Variants in FBXW10 observed in about 807,000 individuals in gnomAD.
The protein encoded by FBXW10 is F-box/WD repeat-containing protein 10.
Under a neutral mutation model 113.1 loss-of-function variants are expected in FBXW10, and 68 were observed. The observed-to-expected ratio is 0.60, with a 90% CI of 0.49 to 0.74. FBXW10 has a LOEUF of 0.74. Ranked by LOEUF, FBXW10 falls within the 30% of genes least tolerant of loss-of-function variation. FBXW10 has a pLI of 0.00. For synonymous variants in FBXW10, 289 were observed against 481.6 expected (o/e 0.60, Z 5.24); for missense variants, 753 against 1,284.5 (o/e 0.59, Z 6.32).
intron 5 of FBXW10, among the ~76,000 whole-genome samples, chr17:18,753,553 T>C (rs948462029): frequency 4.6e-5 from 7 of 152,114 alleles, no homozygotes; most frequent in African/African-American, 1.2e-4. Context: ...CTTTCTCTCC[T>C]CTTTCTTTAA....
intron 6 of FBXW10, among the ~76,000 whole-genome samples, chr17:18,757,279 G>A (rs2035285212): frequency 6.6e-6 from 1 of 152,100 alleles, no homozygotes; most frequent in African/African-American, 2.4e-5. Context: ...CACCTCCTGG[G>A]CTCAAGCGAT....
intron 5 of FBXW10, among the ~76,000 whole-genome samples, chr17:18,752,944 A>T (rs868736761): frequency 8.5e-5 from 13 of 152,148 alleles, no homozygotes; most frequent in African/African-American, 2.4e-5. Context: ...TCCTTGGGTG[A>T]TACAGTCAGT....
intron 11 of FBXW10, among the ~76,000 whole-genome samples, chr17:18,770,882 A>G (rs1287822180): frequency 1.3e-5 from 2 of 152,174 alleles, no homozygotes; most frequent in African/African-American, 4.8e-5. Flanking sequence ...CATTGTATAC[A>G]GTACTGTGCT....
At position 18,766,783 on chromosome 17, in the gene FBXW10, T is replaced by A; in HGVS notation, c.1625T>A (p.Ile542Asn). The change falls in exon 9 of 14, where the codon ATC (isoleucine) becomes AAC (asparagine). Residue 542 changes from isoleucine (I) to asparagine (N), a missense_variant. Physicochemically the swap from Ile to Asn is moderately radical, Grantham distance 149. Coordinates refer to ENST00000395665, the MANE Select transcript of FBXW10 (RefSeq NM_001267585.2). ...AAAGACCCCATCTTGGCCACCAGGA[T>A]CAATGATACCTACATTGTGAGCAGC... The part of the protein sequence containing the change: ...RHKDPILATR[I>N]NDTYIVSSCE... 1 of 1,612,664 alleles carries A rather than the reference T, an allele frequency of 6.2e-7. No individual in the cohort carries two copies. Among genetic ancestry groups the A allele is most frequent in the East Asian group, 2.2e-5 (1 of 44,880 alleles).
chr17:18,760,871 T>C (rs1278236111), intron 7 of FBXW10, among the ~76,000 whole-genome samples: 1 of 152,186 alleles, frequency 6.6e-6, no homozygotes. Context: ...TTCCCTCTTC[T>C]AGGTCATAGA....
At chr17:18,755,689 C>T (rs1201066703) in intron 5 of FBXW10, among the ~76,000 whole-genome samples, 1 of 152,046 alleles carries the variant, frequency 6.6e-6, no homozygotes, top group East Asian at 1.9e-4. Flanking sequence ...GTGAAATGGT[C>T]GGTCAAAGGG....
chr17:18,765,195 G>A (rs569849615), intron 8 of FBXW10, among the ~76,000 whole-genome samples: 6 of 152,220 alleles, frequency 3.9e-5, no homozygotes, highest in African/African-American at 1.4e-4. Context: ...ATATATAGTG[G>A]GGAATATAAT....
intron 13 of FBXW10, among the ~76,000 whole-genome samples, chr17:18,775,604 G>A (rs1382241132): frequency 1.3e-5 from 2 of 152,240 alleles, no homozygotes; most frequent in African/African-American, 4.8e-5. Flanking sequence ...AAAGAGAGAA[G>A]AGGCAGTTGA....
At chr17:18,765,872 G>A (rs1183772499) in intron 8 of FBXW10, among the ~76,000 whole-genome samples, 3 of 151,562 alleles carry the variant, frequency 2.0e-5, no homozygotes, top group Non-Finnish European at 2.9e-5. Context: ...GACTACAGTC[G>A]CACGCCACCA....
intron 11 of FBXW10, among the ~76,000 whole-genome samples, chr17:18,771,650 G>A (rs181475576): frequency 6.4e-4 from 98 of 152,274 alleles, no homozygotes; most frequent in Middle Eastern, 3.4e-3. Context: ...CCATTAGAGA[G>A]CTTTCCTCAT....
chr17:18,765,720 A>G (rs976268256), intron 8 of FBXW10, among the ~76,000 whole-genome samples: 3 of 150,730 alleles, frequency 2.0e-5, no homozygotes, highest in East Asian at 1.9e-4. Context: ...CATAGAGATC[A>G]CTTTCAACTT....
intron 7 of FBXW10, 36 bp downstream of exon 7, chr17:18,758,541 C>A: frequency 6.2e-7 from 1 of 1,612,464 alleles, no homozygotes; most frequent in Non-Finnish European, 8.5e-7. Flanking sequence ...CCCTGTCCCA[C>A]CTAGGGCCTA....
intron 10 of FBXW10, chr17:18,769,649 T>C: frequency 2.9e-6 from 1 of 348,312 alleles, no homozygotes; most frequent in South Asian, 4.9e-5. Context: ...TGGTGGCGCA[T>C]CACTGTAATC....
In FBXW10 at chr17:18,750,101, G is replaced by A. The variant is rs1260144356; in HGVS notation, c.963G>A (p.Ala321=). Residue 321 remains alanine, a synonymous_variant, in exon 4 of 14, where the codon GCG becomes GCA. Coordinates refer to ENST00000395665, the MANE Select transcript of FBXW10 (RefSeq NM_001267585.2). The part of the protein sequence containing the change: ...MAQQVKMDLS[A]HGFIQNQITF... ...AACAGGTCAAGATGGACTTGTCAGC[G>A]CACGGCTTCATTCAGAACCAGATTA... 7.4e-6 allele frequency: 12 copies of A among 1,611,750 alleles called. No homozygotes were observed. In the East Asian group the frequency reaches 1.3e-4, roughly 18 times the overall value.
chr17:18,764,303 G>A (rs1245226046), intron 7 of FBXW10, among the ~76,000 whole-genome samples: 1 of 148,718 alleles, frequency 6.7e-6, no homozygotes, highest in African/African-American at 2.5e-5. Context: ...CCGGATTCAA[G>A]CAATTCTCCT....
chr17:18,747,127 C>G (rs138571078), intron 1 of FBXW10, among the ~76,000 whole-genome samples: 1 of 152,030 alleles, frequency 6.6e-6, no homozygotes, highest in Admixed American at 6.6e-5. Context: ...GGGGTTTCAC[C>G]GTGTTAGCCC....
intron 6 of FBXW10, among the ~76,000 whole-genome samples, chr17:18,757,121 TA>T (rs1269411363): frequency 2.0e-5 from 3 of 152,150 alleles, no homozygotes; most frequent in Admixed American, 6.5e-5. Flanking sequence ...TATATATACA[TA>T]AAAATATATG....
chr17:18,745,015 T>C, intron 1 of FBXW10: 1 of 1,359,396 alleles, frequency 7.4e-7, no homozygotes. Context: ...ATCATGGATT[T>C]CTGCATCTCA....
chr17:18,774,576 C>T (rs1439953791), intron 12 of FBXW10, among the ~76,000 whole-genome samples: 2 of 151,952 alleles, frequency 1.3e-5, no homozygotes, highest in East Asian at 3.9e-4. Flanking sequence ...GGTGGATCAC[C>T]TGAGGTCGGG....
Sources: allele counts gnomAD v4.1 joint callset (sites outside exome capture counted in the v4.1 genomes callset), GRCh38; gene constraint gnomAD v4.1.1; transcripts MANE v1.5; gene names NCBI Gene and HGNC (gene_info 2026-07-23, HGNC 2026-07-21).